WDR27: variants seen among roughly 807,000 people sequenced by gnomAD.
The protein encoded by WDR27 is WD repeat-containing protein 27.
A neutral mutation model predicts 114.4 loss-of-function variants in WDR27; 100 were observed. That is an observed-to-expected ratio of 0.87 (90% CI 0.74 to 1.03). The LOEUF (loss-of-function observed/expected upper bound fraction) is 1.03. Ranked by LOEUF, WDR27 falls within the 50% of genes least tolerant of loss-of-function variation. The pLI, the probability that WDR27 is intolerant of heterozygous loss-of-function variation, is 0.00. For missense variants in WDR27, 1,129 were observed against 1,092.9 expected (o/e 1.03, Z -0.47); for synonymous variants, 449 against 423.1 (o/e 1.06, Z -0.75).
chr6:169,640,373 G>A (rs1229710602), intron 17 of WDR27, among the ~76,000 whole-genome samples: 5 of 152,244 alleles, frequency 3.3e-5, no homozygotes, highest in Non-Finnish European at 5.9e-5. Context: ...ACTCAGTTCT[G>A]CAACAGGACG....
intron 21 of WDR27, among the ~76,000 whole-genome samples, chr6:169,619,671 C>G (rs1187956045): frequency 6.6e-6 from 1 of 152,100 alleles, no homozygotes; most frequent in Non-Finnish European, 1.5e-5. Flanking sequence ...CTCTGAAGAC[C>G]TGGGATCAAT....
At chr6:169,553,792 C>T (rs901422745) in intron 25 of WDR27, among the ~76,000 whole-genome samples, 1 of 152,124 alleles carries the variant, frequency 6.6e-6, no homozygotes, top group African/African-American at 2.4e-5. Flanking sequence ...GGGACGTTAC[C>T]GTTCACATGT....
chr6:169,667,239 G>T (rs968265697), intron 5 of WDR27, 52 bp from the exon 6 acceptor site: 3 of 1,436,508 alleles, frequency 2.1e-6, no homozygotes, highest in Admixed American at 6.2e-5. Context: ...TGCCATTATT[G>T]CAACAGGTGA....
chr6:169,426,936 G>T, the WDR27 span: 2 of 129,296 alleles, frequency 1.5e-5, no homozygotes, highest in Non-Finnish European at 3.2e-5. Flanking sequence ...ATCCGTCCCA[G>T]ACAAGGGTCG....
At chr6:169,657,977 G>C (rs1041255636) in intron 13 of WDR27, 2 of 257,660 alleles carry the variant, frequency 7.8e-6, no homozygotes, top group African/African-American at 4.3e-5. Flanking sequence ...ATCAGTAATT[G>C]CTGAAGGTCC....
At chr6:169,438,128 G>C in the WDR27 span, among the ~76,000 whole-genome samples, 2 of 151,656 alleles carry the variant, frequency 1.3e-5, no homozygotes, top group African/African-American at 4.8e-5. Flanking sequence ...ATATCTATGT[G>C]TACTCAATGT....
the WDR27 span, among the ~76,000 whole-genome samples, chr6:169,449,436 C>A: frequency 6.6e-6 from 1 of 152,150 alleles, no homozygotes; most frequent in Non-Finnish European, 1.5e-5. Context: ...TGTTTTCTTT[C>A]ACATAGTGCA....
At position 169,603,597 on chromosome 6, in the gene WDR27, A is replaced by G. The variant is rs1808496020; in HGVS notation, c.2322-1276T>C. Among the ~76,000 whole-genome samples, 3 of 152,326 alleles carry G rather than the reference A, an allele frequency of 2.0e-5. No individual in the cohort carries two copies. The South Asian group carries it at 6.2e-4, about 32-fold the overall frequency. On this transcript the variant is annotated intron_variant, in intron 22 of 25. Coordinates refer to ENST00000448612, the MANE Select transcript of WDR27 (RefSeq NM_182552.5). The stretch of plus-strand genomic sequence containing the variant: ...CTTTATATCCTGCTATGTCTACCCC[A>G]GAATACACCATGAACATTTCCCTCA...
chr6:169,573,595 C>T (rs974287449), intron 24 of WDR27, among the ~76,000 whole-genome samples: 1 of 152,176 alleles, frequency 6.6e-6, no homozygotes, highest in Non-Finnish European at 1.5e-5. Context: ...CGAGGGATGA[C>T]TGTAACTATT....
intron 24 of WDR27, among the ~76,000 whole-genome samples, chr6:169,582,266 C>G (rs979905863): frequency 2.0e-5 from 3 of 152,186 alleles, no homozygotes; most frequent in Non-Finnish European, 2.9e-5. Context: ...TGAGCCACTG[C>G]GCCTGGCCAA....
At chr6:169,448,059 T>C in the WDR27 span, among the ~76,000 whole-genome samples, 1 of 152,208 alleles carries the variant, frequency 6.6e-6, no homozygotes. Flanking sequence ...TATTTTGTTA[T>C]ACTATTAATA....
chr6:169,450,686 T>C, the WDR27 span, among the ~76,000 whole-genome samples: 1 of 152,100 alleles, frequency 6.6e-6, no homozygotes, highest in African/African-American at 2.4e-5. Context: ...CAGAGGTGGT[T>C]TGAGTGAGTC....
At chr6:169,667,789 G>A (rs1423877082) in intron 5 of WDR27, among the ~76,000 whole-genome samples, 193 bp downstream of exon 5, 16 of 152,242 alleles carry the variant, frequency 1.1e-4, no homozygotes, top group Non-Finnish European at 2.9e-5. Flanking sequence ...TCCAAGCCCA[G>A]CCAGCGGCCC....
chr6:169,465,871 G>C (rs998840960), intron 25 of WDR27, among the ~76,000 whole-genome samples: 1 of 152,192 alleles, frequency 6.6e-6, no homozygotes, highest in East Asian at 1.9e-4. Flanking sequence ...GACTGAGGAA[G>C]GGGATGGGGA....
chr6:169,570,696 G>A lies in WDR27; in HGVS notation c.2645+1723C>T, dbSNP rs531347387. Among the ~76,000 whole-genome samples the A allele has an allele frequency of 6.6e-5, 10 of 152,302 alleles. No homozygotes were observed. The South Asian group carries it at 2.1e-3, about 32-fold the overall frequency. On this transcript the variant is annotated intron_variant, in intron 25 of 25. Transcript: ENST00000448612. ...ATACAAAAATTAGCCAGGCGTGGTG[G>A]CGGGCACCTGTAATCCCAACTACTC... is the stretch of plus-strand genomic sequence containing the variant.
intron 25 of WDR27, among the ~76,000 whole-genome samples, chr6:169,513,858 C>T (rs1793262246): frequency 6.6e-6 from 1 of 152,140 alleles, no homozygotes; most frequent in African/African-American, 2.4e-5. Flanking sequence ...GAGAAAATGT[C>T]TCTGCTGTCA....
chr6:169,673,025 A>C (rs945535126), intron 2 of WDR27, among the ~76,000 whole-genome samples: 1 of 152,234 alleles, frequency 6.6e-6, no homozygotes, highest in African/African-American at 2.4e-5. Flanking sequence ...AAGGGAATGC[A>C]TGAAACACTC....
intron 22 of WDR27, among the ~76,000 whole-genome samples, chr6:169,612,097 T>C (rs1810675009): frequency 6.7e-6 from 1 of 148,610 alleles, no homozygotes; most frequent in African/African-American, 2.5e-5. Context: ...GATTACACCA[T>C]TGCACTCCAG....
At chr6:169,689,072 G>A in intron 1 of WDR27, 60 bp from the exon 2 acceptor site, 1 of 1,250,830 alleles carries the variant, frequency 8.0e-7, no homozygotes, top group Non-Finnish European at 1.1e-6. Context: ...CAGAAAAAAA[G>A]TCTATTACCT....
Sources: gnomAD v4.1 joint callset for allele counts (sites outside exome capture counted in the v4.1 genomes callset) on GRCh38, gnomAD v4.1.1 for gene constraint, MANE v1.5 for transcripts, NCBI Gene and HGNC (gene_info 2026-07-23, HGNC 2026-07-21) for gene names.